The following HERC4 variants were observed in gnomAD, a reference collection of about 807,000 sequenced individuals.
The protein encoded by HERC4 is HECT and RLD domain containing E3 ubiquitin protein ligase 4.
HERC4 carries 28 observed loss-of-function variants against 124.3 expected under a neutral mutation model. That is an observed-to-expected ratio of 0.23 (90% CI 0.17 to 0.31). HERC4 has a LOEUF of 0.31. Among genes scored for constraint, HERC4 ranks in the 10% least tolerant of loss-of-function variants. The pLI is 1.00. For synonymous variants in HERC4, 407 were observed against 421.5 expected, an observed-to-expected ratio of 0.97 and a Z score of 0.42; for missense variants, 713 against 1,229.3, an observed-to-expected ratio of 0.58 and a Z score of 6.28.
At chr10:68,039,827 G>GTAT (rs2039670131) in intron 4 of HERC4, 1 of 1,025,484 alleles carries the variant, frequency 9.8e-7, no homozygotes, top group Non-Finnish European at 1.2e-6. Context: ...ACATTGACCT[G>GTAT]TTCAGCATAT....
At chr10:68,074,071 C>G (rs984630615) in intron 1 of HERC4, 1 of 152,088 alleles carries the variant, frequency 6.6e-6, no homozygotes, top group Non-Finnish European at 1.5e-5. Flanking sequence ...AACTCCAGCA[C>G]TGCAGATTTT....
At chr10:68,010,121 CA>C in intron 9 of HERC4, 1 of 801,400 alleles carries the variant, frequency 1.2e-6, no homozygotes, top group East Asian at 3.5e-5. Context: ...AACTTAATCC[CA>C]AAAGCCCTGG....
chr10:67,961,912 T>C (rs1035477355), intron 16 of HERC4, among the ~76,000 whole-genome samples: 2 of 151,820 alleles, frequency 1.3e-5, no homozygotes, highest in East Asian at 1.9e-4. Context: ...ATGCTCCAAC[T>C]GGCAGTGTAA....
chr10:68,058,581 C>T (rs1199200989), intron 3 of HERC4, among the ~76,000 whole-genome samples: 3 of 152,078 alleles, frequency 2.0e-5, no homozygotes, highest in Admixed American at 6.6e-5. Flanking sequence ...GTTCTTTGCA[C>T]TGTTAGGTTT....
chr10:67,951,771 A>T (rs755342317), intron 19 of HERC4, among the ~76,000 whole-genome samples: 2 of 152,128 alleles, frequency 1.3e-5, no homozygotes, highest in Non-Finnish European at 2.9e-5. Context: ...ACACGGGCCA[A>T]CTGACCATAT....
chr10:68,031,599 C>T (rs1481034220), intron 7 of HERC4, among the ~76,000 whole-genome samples: 1 of 152,094 alleles, frequency 6.6e-6, no homozygotes, highest in Non-Finnish European at 1.5e-5. Flanking sequence ...GCAAGTACTA[C>T]AAAATACTTT....
chr10:67,953,979 A>C (rs747017350), intron 19 of HERC4, among the ~76,000 whole-genome samples: 2 of 152,162 alleles, frequency 1.3e-5, no homozygotes, highest in Non-Finnish European at 2.9e-5. Flanking sequence ...ATTCTATCTA[A>C]ATTTCTTTCA....
intron 7 of HERC4, among the ~76,000 whole-genome samples, chr10:68,029,942 G>A (rs1447144228): frequency 6.6e-6 from 1 of 151,090 alleles, no homozygotes; most frequent in East Asian, 2.0e-4. Context: ...GTTTCACCAC[G>A]TTGGCCAGGA....
At chr10:67,954,270 T>C (rs2033997637) in intron 19 of HERC4, 1 of 184,882 alleles carries the variant, frequency 5.4e-6, no homozygotes, top group Admixed American at 6.1e-5. Context: ...TGATCCCTAA[T>C]GATAAATTAA....
chr10:68,067,741 C>T (rs1346459709), intron 3 of HERC4: 1 of 152,028 alleles, frequency 6.6e-6, no homozygotes, highest in Non-Finnish European at 1.5e-5. Flanking sequence ...AATTACCATT[C>T]GAGGATATGG....
At chr10:67,980,670 C>T (rs915382618) in intron 15 of HERC4, among the ~76,000 whole-genome samples, 8 of 152,000 alleles carry the variant, frequency 5.3e-5, no homozygotes, top group Non-Finnish European at 1.0e-4. Context: ...AAACAATTAA[C>T]CAATCAAAAA....
chr10:67,925,824 T>C (rs1302886141), intron 23 of HERC4, among the ~76,000 whole-genome samples: 1 of 152,160 alleles, frequency 6.6e-6, no homozygotes, highest in African/African-American at 2.4e-5. Context: ...AGAGAAGTAC[T>C]CATGGTGCTA....
chr10:68,023,055 G>C (rs529378683), intron 8 of HERC4, among the ~76,000 whole-genome samples: 84 of 151,886 alleles, frequency 5.5e-4, no homozygotes, highest in African/African-American at 1.9e-3. Context: ...TGTTGGTGAG[G>C]ATGTAGAGAA....
chr10:67,969,545 G>A (rs924318860), intron 15 of HERC4, among the ~76,000 whole-genome samples: 6 of 152,110 alleles, frequency 3.9e-5, no homozygotes, highest in Non-Finnish European at 5.9e-5. Context: ...ACATGAGAAA[G>A]GAACAAAGGC....
chr10:68,062,222 C>A (rs1302928881), intron 3 of HERC4, among the ~76,000 whole-genome samples: 2 of 152,118 alleles, frequency 1.3e-5, no homozygotes, highest in African/African-American at 2.4e-5. Flanking sequence ...AAGTTTACCA[C>A]AAAATTCACC....
At chr10:68,022,290 G>A (rs546748929) in intron 8 of HERC4, among the ~76,000 whole-genome samples, 30 of 151,844 alleles carry the variant, frequency 2.0e-4, no homozygotes, top group African/African-American at 7.2e-4. Flanking sequence ...AACTGAGGTC[G>A]GGAGTTCGAG....
rs1324289769 is a variant in HERC4, at chr10:68,037,490, G to A, written c.463+603C>T. Among the ~76,000 whole-genome samples, 6 of 152,092 alleles carry A rather than the reference G, an allele frequency of 3.9e-5. No individual in the cohort carries two copies. In the South Asian group the frequency reaches 8.3e-4, roughly 21 times the overall value. ...AGCTAGGATACTAGTAAGTTAAACT[G>A]GTAAGAGAGGAATGCAAACAAAGCT... On this transcript the variant is annotated intron_variant, in intron 5 of 24. Transcript: ENST00000373700.
chr10:68,025,093 T>C (rs1275536074), intron 8 of HERC4, among the ~76,000 whole-genome samples: 1 of 152,092 alleles, frequency 6.6e-6, no homozygotes, highest in East Asian at 1.9e-4. Flanking sequence ...CTGGGCATGG[T>C]AGTGCATGCC....
intron 16 of HERC4, among the ~76,000 whole-genome samples, chr10:67,960,021 T>C (rs926779277): frequency 5.3e-5 from 8 of 152,222 alleles, no homozygotes; most frequent in Non-Finnish European, 8.8e-5. Flanking sequence ...TCATGCCTGA[T>C]AGGAGTGTCT....
Sources: allele counts gnomAD v4.1 joint callset (sites outside exome capture counted in the v4.1 genomes callset), GRCh38; gene constraint gnomAD v4.1.1; transcripts MANE v1.5; gene names NCBI Gene and HGNC (gene_info 2026-07-23, HGNC 2026-07-21).